The following CACNA1I variants were observed in gnomAD, a reference collection of about 807,000 sequenced individuals.
CACNA1I encodes voltage-dependent T-type calcium channel subunit alpha-1I.
CACNA1I carries 74 observed loss-of-function variants against 201.6 expected under a neutral mutation model. The ratio of observed to expected loss-of-function variants is 0.37; its 90% CI spans 0.30 to 0.45. The LOEUF is 0.45. CACNA1I is among the 20% of genes least tolerant of loss of function. The pLI, the probability that CACNA1I is intolerant of heterozygous loss-of-function variation, is 1.00. For synonymous variants in CACNA1I, 1,431 were observed against 1,345.2 expected, an observed-to-expected ratio of 1.06 and a Z score of -1.40; for missense variants, 2,346 against 3,138.1, an observed-to-expected ratio of 0.75 and a Z score of 6.03.
At chr22:39,633,539 G>C (rs528099827) in intron 4 of CACNA1I, among the ~76,000 whole-genome samples, 33 of 152,336 alleles carry the variant, frequency 2.2e-4, no homozygotes, top group Non-Finnish European at 4.4e-4. Flanking sequence ...GCTTTCACAG[G>C]GCTGCGGTGG....
At chr22:39,618,931 G>A (rs533568022) in intron 3 of CACNA1I, among the ~76,000 whole-genome samples, 59 of 152,302 alleles carry the variant, frequency 3.9e-4, no homozygotes, top group African/African-American at 1.3e-3. Flanking sequence ...GTGTGGAGCC[G>A]TTTGGTGCAG....
intron 3 of CACNA1I, among the ~76,000 whole-genome samples, chr22:39,610,977 C>G (rs1440799025): frequency 1.3e-5 from 2 of 152,076 alleles, no homozygotes; most frequent in Non-Finnish European, 2.9e-5. Context: ...TCCTATAGGC[C>G]AGACGGAGGT....
At position 39,629,792 on chromosome 22, in the gene CACNA1I, G is replaced by A. The variant is rs1015394211; in HGVS notation, c.581-4773G>A. On this transcript the variant is annotated intron_variant, in intron 4 of 36. Coordinates refer to ENST00000402142, the MANE Select transcript of CACNA1I (RefSeq NM_021096.4). The surrounding 1 kb of genome is among the most constrained non-coding windows in gnomAD (Gnocchi z 4.8). ...CCTTTCAGAGATGTGTATGCCGTTC[G>A]GGGCGCTGTCCACAGGGGCGTCTGC... Among the ~76,000 whole-genome samples the A allele has an allele frequency of 2.0e-5, 3 of 152,114 alleles. No individual in the cohort carries two copies. Among genetic ancestry groups the A allele is most frequent in the Non-Finnish European group, 4.4e-5 (3 of 68,018 alleles).
chr22:39,677,503 C>A lies in CACNA1I; in HGVS notation c.4933+84C>A, dbSNP rs1601526722. ...GGGGGGGCGGGGGAGGCCTGAGACC[C>A]CTGAGCCCGTCACATCAGGGTCTTT... is the stretch of plus-strand genomic sequence containing the variant. On this transcript the variant is annotated intron_variant, in intron 30 of 36. Transcript: ENST00000402142. This position sits in a 1 kb window ranked among gnomAD's most constrained non-coding sequence, Gnocchi z 4.8. The A allele has an allele frequency of 4.3e-6, 4 of 928,696 alleles. No homozygotes were observed. Among genetic ancestry groups the A allele is most frequent in the Non-Finnish European group, 6.4e-6 (4 of 629,686 alleles). The allele number at this position is 928,696 out of a possible 1,614,324, so 57.5% of individuals were successfully genotyped here.
rs150985181 is a variant in CACNA1I at position 39,644,132 on chromosome 22, G to T, written c.1149+1243G>T. Among the ~76,000 whole-genome samples, 155 of 152,176 alleles carry T rather than the reference G, an allele frequency of 1.0e-3. 1 individual carries two copies. The highest frequency in any genetic ancestry group is 6.8e-3 in the Middle Eastern group (2 of 294). On this transcript the variant is annotated intron_variant, in intron 7 of 36. Coordinates refer to ENST00000402142, the MANE Select transcript of CACNA1I (RefSeq NM_021096.4). ...AGGTGAGCAGGGAAAGAGCCTCTTGGGCAGGGGTGGCTCACAGAGCCCCTG... is the reference window on the plus strand; with the variant it reads ...AGGTGAGCAGGGAAAGAGCCTCTTGTGCAGGGGTGGCTCACAGAGCCCCTG...
chr22:39,602,536 G>C (rs571573035), intron 3 of CACNA1I, among the ~76,000 whole-genome samples: 11 of 134,796 alleles, frequency 8.2e-5, no homozygotes, highest in Admixed American at 5.2e-4. Flanking sequence ...GGTTTGGCTG[G>C]AGAACATCTT....
intron 4 of CACNA1I, among the ~76,000 whole-genome samples, chr22:39,625,697 T>C (rs1397603904): frequency 6.6e-6 from 1 of 151,770 alleles, no homozygotes; most frequent in African/African-American, 2.4e-5. Context: ...AGAGAGGTGG[T>C]TGGGGAGGGA....
At position 39,682,739 on chromosome 22, in the gene CACNA1I, T is replaced by C; in HGVS notation, c.5830+78T>C. On this transcript the variant is annotated intron_variant, in intron 35 of 36. Transcript: ENST00000402142. ...CTTCAGAGGGAGATGGCTGAGTTTT[T>C]TCCTTAGTATTTTTACCCAGATTAT... is the stretch of plus-strand genomic sequence containing the variant. The C allele has an allele frequency of 1.0e-5, 13 of 1,291,152 alleles. No individual in the cohort carries two copies. In the South Asian group the frequency reaches 1.3e-4, roughly 13 times the overall value. The allele number at this position is 1,291,152 out of a possible 1,614,324, so 80.0% of individuals were successfully genotyped here.
chr22:39,613,450 G>A (rs1231637512), intron 3 of CACNA1I, among the ~76,000 whole-genome samples: 1 of 152,198 alleles, frequency 6.6e-6, no homozygotes, highest in Non-Finnish European at 1.5e-5. Flanking sequence ...TGTGAGCTGA[G>A]GTAACAGTTG....
intron 35 of CACNA1I, among the ~76,000 whole-genome samples, chr22:39,682,932 G>T (rs1185534109): frequency 6.6e-6 from 1 of 152,126 alleles, no homozygotes; most frequent in African/African-American, 2.4e-5. Flanking sequence ...CTTCCTAGGA[G>T]CCATGGTGAA....
chr22:39,583,372 C>A (rs568438981), intron 1 of CACNA1I, among the ~76,000 whole-genome samples: 1 of 3,774 alleles, frequency 2.6e-4, no homozygotes, highest in African/African-American at 6.7e-4. Flanking sequence ...ATCTATCCAT[C>A]CATCCATCCA....
chr22:39,646,501 G>A (rs1018447812), intron 7 of CACNA1I, 68 bp from the exon 8 acceptor site: 1 of 1,480,448 alleles, frequency 6.8e-7, no homozygotes, highest in Non-Finnish European at 9.0e-7. Flanking sequence ...CCATGACTCT[G>A]CCTCTCTCAC....
chr22:39,594,920 C>T (rs560805836), intron 1 of CACNA1I, among the ~76,000 whole-genome samples: 10 of 152,182 alleles, frequency 6.6e-5, no homozygotes, highest in South Asian at 4.2e-4. Flanking sequence ...ATGTTTTTTT[C>T]CTATACCTGC....
In CACNA1I at chr22:39,677,977, C is replaced by A; in HGVS notation, c.4934-10C>A. The A allele has an allele frequency of 6.3e-7, 1 of 1,580,642 alleles. No homozygotes were observed. Among genetic ancestry groups the A allele is most frequent in the East Asian group, 2.3e-5 (1 of 42,836 alleles). ...CCATCGGGCAGGGCTGACCTCCTCC[C>A]CGCTTCCAGTCTGCAACGACGAGAA... On this transcript the variant is annotated splice_polypyrimidine_tract_variant and intron_variant, in intron 30 of 36. Coordinates refer to ENST00000402142, the MANE Select transcript of CACNA1I (RefSeq NM_021096.4). The surrounding 1 kb of genome is among the most constrained non-coding windows in gnomAD (Gnocchi z 4.8).
intron 3 of CACNA1I, among the ~76,000 whole-genome samples, chr22:39,604,589 C>CT (rs1317555362): frequency 1.3e-5 from 2 of 151,752 alleles, no homozygotes; most frequent in Non-Finnish European, 1.5e-5. Flanking sequence ...GCAAAGGAGA[C>CT]TTTTTTTTGA....
chr22:39,634,854 G>A, intron 5 of CACNA1I, 130 bp downstream of exon 5: 1 of 814,138 alleles, frequency 1.2e-6, no homozygotes, highest in South Asian at 1.8e-5. Context: ...AGGTAGGAGG[G>A]GAAAGGGAAG....
rs926218568 is a variant in CACNA1I, at chr22:39,646,924, C to T, written c.1462+43C>T. 2.8e-6 allele frequency: 4 copies of T among 1,451,584 alleles called. No homozygotes were observed. The African/African-American group carries it at 5.7e-5, about 21-fold the overall frequency. 89.9% of individuals were successfully genotyped at this position (1,451,584 alleles called of 1,614,324 possible). Reference sequence around the variant, plus strand: ...CGACGCGGCACTCAGGCACTTCGTGCCAAGTGTCACTCCTTTCCAGCACGT... The same window carrying T: ...CGACGCGGCACTCAGGCACTTCGTGTCAAGTGTCACTCCTTTCCAGCACGT... On this transcript the variant is annotated intron_variant, in intron 8 of 36. Coordinates refer to ENST00000402142, the MANE Select transcript of CACNA1I (RefSeq NM_021096.4).
chr22:39,619,036 A>G (rs566224400), intron 3 of CACNA1I, among the ~76,000 whole-genome samples: 3 of 152,302 alleles, frequency 2.0e-5, no homozygotes, highest in Admixed American at 2.0e-4. Flanking sequence ...GCCACCTGGC[A>G]CAGCGCTGGG....
At chr22:39,607,846 C>T (rs192856569) in intron 3 of CACNA1I, among the ~76,000 whole-genome samples, 77 of 144,324 alleles carry the variant, frequency 5.3e-4, no homozygotes, top group Non-Finnish European at 7.0e-4. Context: ...AAAATTAGTC[C>T]GGGTGCGGTG....
Sources: allele counts gnomAD v4.1 joint callset (sites outside exome capture counted in the v4.1 genomes callset), GRCh38; gene constraint gnomAD v4.1.1; non-coding constraint Gnocchi (gnomAD v3.1); transcripts MANE v1.5; gene names NCBI Gene and HGNC (gene_info 2026-07-23, HGNC 2026-07-21).